Variants in NCOR2 observed in about 807,000 individuals in gnomAD.
NCOR2 encodes the protein CTG repeat protein 26.
NCOR2 carries 81 observed loss-of-function variants against 262.9 expected under a neutral mutation model. The ratio of observed to expected loss-of-function variants is 0.31; its 90% CI spans 0.26 to 0.37. The LOEUF (loss-of-function observed/expected upper bound fraction) is 0.37. NCOR2 is among the 10% of genes least tolerant of loss of function. NCOR2 has a pLI of 1.00. For synonymous variants in NCOR2, 1,659 were observed against 1,559.3 expected, an observed-to-expected ratio of 1.06 and a Z score of -1.51; for missense variants, 3,385 against 3,621.4, an observed-to-expected ratio of 0.93 and a Z score of 1.68.
intron 1 of NCOR2, among the ~76,000 whole-genome samples, chr12:124,494,685 G>A (rs1201602271): frequency 6.6e-5 from 10 of 152,140 alleles, no homozygotes; most frequent in Non-Finnish European, 1.5e-5. Flanking sequence ...TCACCTCAGA[G>A]CCTCGAGCCG....
At chr12:124,362,336 G>A (rs2038649679) in intron 21 of NCOR2, 39 bp from the exon 24 acceptor site, 3 of 1,329,652 alleles carry the variant, frequency 2.3e-6, no homozygotes, top group Non-Finnish European at 1.9e-6. Context: ...CACAGAGGGT[G>A]TCTGAAAGTG....
rs928024639 is a variant in NCOR2 at position 124,408,629 on chromosome 12, G to A, written c.1483-6068C>T. On this transcript the variant is annotated intron_variant, in intron 13 of 46. Transcript: ENST00000405201. ...TTTAATTAGGTGGTGCATCCCTGTA[G>A]TCCCAGCTACTCAGGAGGCTAAGGT... is the stretch of plus-strand genomic sequence containing the variant. 2.0e-5 allele frequency among the ~76,000 whole-genome samples: 3 copies of A among 152,046 alleles called. No homozygotes were observed. The East Asian group carries it at 5.8e-4, about 29-fold the overall frequency.
intron 7 of NCOR2, 140 bp downstream of exon 9, chr12:124,449,675 C>T: frequency 1.2e-6 from 1 of 842,902 alleles, no homozygotes; most frequent in Non-Finnish European, 1.8e-6. Context: ...TGTCTCCTGT[C>T]CCCTCCGGGA....
At chr12:124,349,140 G>A (rs1458529155) in intron 28 of NCOR2, among the ~76,000 whole-genome samples, 2 of 152,230 alleles carry the variant, frequency 1.3e-5, no homozygotes, top group Admixed American at 6.5e-5. Context: ...GGCAGGGGTG[G>A]CCTCGCCAGG....
chr12:124,422,857 C>G (rs928546814), intron 11 of NCOR2, among the ~76,000 whole-genome samples: 2 of 152,064 alleles, frequency 1.3e-5, no homozygotes, highest in Non-Finnish European at 2.9e-5. Context: ...ACATGCAGCT[C>G]TTTGGTGGGG....
chr12:124,463,636 G>A (rs1056860583), intron 5 of NCOR2, among the ~76,000 whole-genome samples: 2 of 152,216 alleles, frequency 1.3e-5, no homozygotes, highest in African/African-American at 2.4e-5. Context: ...CGGCTGGCTC[G>A]AAAAACAGAC....
intron 7 of NCOR2, among the ~76,000 whole-genome samples, chr12:124,444,071 T>C (rs544586090): frequency 6.6e-6 from 1 of 152,274 alleles, no homozygotes; most frequent in African/African-American, 2.4e-5. Context: ...GGGGGACTCC[T>C]GGTTTATGAT....
At chr12:124,326,509 CTCCCTGCTGCCCGCCCCAG>C (rs1433801077) in intron 45 of NCOR2, 139 bp from the exon 48 acceptor site, 1 of 829,106 alleles carries the variant, frequency 1.2e-6, no homozygotes, top group Non-Finnish European at 1.7e-6. Context: ...TGAACCCCTC[CTCCCTGCTGCCCGCCCCAG>C]CTGGGAAGCC....
intron 22 of NCOR2, among the ~76,000 whole-genome samples, chr12:124,358,010 ACACG>A (rs2038116297): frequency 7.7e-6 from 1 of 129,352 alleles, no homozygotes; most frequent in African/African-American, 3.0e-5. Flanking sequence ...GTGTGTGTGC[ACACG>A]TGCGTGCATG....
intron 1 of NCOR2, among the ~76,000 whole-genome samples, chr12:124,560,032 G>A (rs1301965996): frequency 4.6e-5 from 7 of 152,114 alleles, no homozygotes; most frequent in East Asian, 3.9e-4. Flanking sequence ...GAGCATCAGC[G>A]TAACTCAGCA....
chr12:124,403,978 A>AC (rs770967028), intron 13 of NCOR2, among the ~76,000 whole-genome samples: 72 of 151,972 alleles, frequency 4.7e-4, no homozygotes, highest in South Asian at 1.7e-3. Context: ...CCTGGAACAG[A>AC]CCCCCCGGCC....
At chr12:124,485,787 C>T (rs1255564454) in intron 2 of NCOR2, among the ~76,000 whole-genome samples, 2 of 152,204 alleles carry the variant, frequency 1.3e-5, no homozygotes, top group Admixed American at 1.3e-4. Flanking sequence ...TCAGCTGCCC[C>T]ATCTGAGAAA....
chr12:124,372,143 T>G (rs755287140), exon 20 of NCOR2: 3 of 1,601,458 alleles, frequency 1.9e-6, no homozygotes, highest in Non-Finnish European at 2.5e-6. Context: ...CCGCCCTCCT[T>G]CTTCTCTGCC....
chr12:124,329,320 G>C (rs970500337), intron 44 of NCOR2, among the ~76,000 whole-genome samples: 4 of 152,190 alleles, frequency 2.6e-5, no homozygotes, highest in African/African-American at 9.7e-5. Flanking sequence ...AAATTAGCCA[G>C]GTGTAGTGGC....
At chr12:124,382,828 T>G (rs906406912) in intron 17 of NCOR2, among the ~76,000 whole-genome samples, 1 of 152,218 alleles carries the variant, frequency 6.6e-6, no homozygotes, top group Admixed American at 6.5e-5. Context: ...GGCACCACCC[T>G]TTACAAAAAG....
At chr12:124,338,925 G>A (rs1469945587) in intron 37 of NCOR2, among the ~76,000 whole-genome samples, 1 of 47,810 alleles carries the variant, frequency 2.1e-5, no homozygotes, top group African/African-American at 8.6e-5. Flanking sequence ...CACCCACCCA[G>A]CTAACCCAGC....
chr12:124,438,224 G>A (rs1282075416), intron 7 of NCOR2, among the ~76,000 whole-genome samples: 1 of 152,156 alleles, frequency 6.6e-6, no homozygotes, highest in Non-Finnish European at 1.5e-5. Context: ...TGAGCCCAGT[G>A]TGCAGGCAAG....
chr12:124,495,467 CGCGAGCACCCAGGGGCCT>C, upstream of NCOR2: 1 of 891,296 alleles, frequency 1.1e-6, no homozygotes, highest in Admixed American at 3.2e-5. The surrounding 1 kb of genome is among the most constrained non-coding windows in gnomAD (Gnocchi z 4.4). Flanking sequence ...CGTGAGGACA[CGCGAGCACCCAGGGGCCT>C]GCCTGGACCC....
rs184238566 is a variant in NCOR2 at position 124,378,613 on chromosome 12, T to C, written c.2020-229A>G. Reference sequence around the variant, plus strand: ...CCCCAGATACACTCTGGGTACAGGCTGGCCCCTCAGCCACCCTGACATCCT... The same window carrying C: ...CCCCAGATACACTCTGGGTACAGGCCGGCCCCTCAGCCACCCTGACATCCT... On this transcript the variant is annotated intron_variant, in intron 17 of 46. Transcript: ENST00000405201. This position sits in a 1 kb window ranked among gnomAD's most constrained non-coding sequence, Gnocchi z 4.2. Among the ~76,000 whole-genome samples the C allele has an allele frequency of 6.6e-6, 1 of 152,336 alleles. No homozygotes were observed. The highest frequency in any genetic ancestry group is 2.4e-5 in the African/African-American group (1 of 41,578).
Sources: gnomAD v4.1 joint callset for allele counts (sites outside exome capture counted in the v4.1 genomes callset) on GRCh38, gnomAD v4.1.1 for gene constraint, Gnocchi (gnomAD v3.1) non-coding constraint, MANE v1.5 for transcripts, NCBI Gene and HGNC (gene_info 2026-07-23, HGNC 2026-07-21) for gene names.